PTPRD: variants seen among roughly 807,000 people sequenced by gnomAD.
PTPRD encodes receptor-type tyrosine-protein phosphatase delta.
In PTPRD, 34 loss-of-function variants were observed where a neutral mutation model predicts 214.5. That is an observed-to-expected ratio of 0.16 (90% confidence interval 0.12 to 0.21). The LOEUF (loss-of-function observed/expected upper bound fraction) is 0.21, where lower values mean the gene tolerates loss of function less well. PTPRD is among the 10% of genes least tolerant of loss of function. The probability of loss-of-function intolerance (pLI) is 1.00; values close to 1 mark genes in which losing one functional copy is unlikely to be tolerated. For missense variants in PTPRD, 2,545 were observed against 2,398.7 expected (o/e 1.06, Z -1.27); for synonymous variants, 1,128 against 845.7 (o/e 1.33, Z -5.79).
intron 9 of PTPRD, among the ~76,000 whole-genome samples, chr9:9,387,553 T>G (rs1014073210): frequency 2.0e-5 from 3 of 152,194 alleles, no homozygotes; most frequent in Non-Finnish European, 1.5e-5. Flanking sequence ...AAAAATTCCC[T>G]CCTCTGCTTT....
At chr9:8,597,219 C>CT (rs1395894131) in intron 14 of PTPRD, among the ~76,000 whole-genome samples, 5 of 152,036 alleles carry the variant, frequency 3.3e-5, no homozygotes, top group Admixed American at 1.3e-4. Flanking sequence ...TGAGTTAGTA[C>CT]TTTAAATAGC....
intron 31 of PTPRD, among the ~76,000 whole-genome samples, chr9:8,468,873 C>T (rs183689017): frequency 2.7e-5 from 4 of 150,352 alleles, no homozygotes; most frequent in Non-Finnish European, 4.4e-5. Flanking sequence ...CCATAGCCTA[C>T]TTTCATTTGT....
chr9:9,412,456 A>G (rs1330099584), intron 8 of PTPRD, among the ~76,000 whole-genome samples: 3 of 150,682 alleles, frequency 2.0e-5, no homozygotes, highest in Non-Finnish European at 4.4e-5. Context: ...CTGGGCACAG[A>G]TAGAGACTCT....
intron 10 of PTPRD, among the ~76,000 whole-genome samples, chr9:9,060,012 T>C (rs1232885446): frequency 6.6e-6 from 1 of 152,204 alleles, no homozygotes; most frequent in Non-Finnish European, 1.5e-5. Flanking sequence ...TCCAATAAAA[T>C]GTAAATTTTT....
intron 12 of PTPRD, among the ~76,000 whole-genome samples, chr9:8,726,486 C>G (rs1236155645): frequency 5.5e-5 from 8 of 144,200 alleles, no homozygotes; most frequent in Non-Finnish European, 1.2e-4. Context: ...AATTCCAGCA[C>G]TTTGGGAGGC....
intron 10 of PTPRD, among the ~76,000 whole-genome samples, chr9:9,134,759 T>G (rs2099848266): frequency 6.6e-6 from 1 of 152,140 alleles, no homozygotes. Context: ...TATTGCATGA[T>G]TCCTACCAAG....
chr9:8,856,206 G>C (rs531200466), intron 11 of PTPRD, among the ~76,000 whole-genome samples: 149 of 5,312 alleles, frequency 0.028, 1 homozygote, highest in African/African-American at 0.029. Flanking sequence ...TTAATCTTAA[G>C]TTATTATCTC....
At chr9:9,197,190 G>A (rs1299609623) in intron 9 of PTPRD, among the ~76,000 whole-genome samples, 2 of 152,068 alleles carry the variant, frequency 1.3e-5, no homozygotes, top group East Asian at 1.9e-4. Context: ...CTAATCCAGA[G>A]CAAAGCCACA....
intron 32 of PTPRD, among the ~76,000 whole-genome samples, chr9:8,461,399 A>C (rs1298315686): frequency 6.6e-6 from 1 of 152,068 alleles, no homozygotes; most frequent in Non-Finnish European, 1.5e-5. Context: ...CTAAATATCG[A>C]TGATTTTTAT....
intron 11 of PTPRD, among the ~76,000 whole-genome samples, chr9:8,838,412 A>G (rs558808953): frequency 6.6e-6 from 1 of 152,276 alleles, no homozygotes; most frequent in Non-Finnish European, 1.5e-5. Flanking sequence ...TTCACAATAC[A>G]TTCCTCTTCT....
At chr9:9,303,039 A>G (rs1292858806) in intron 9 of PTPRD, among the ~76,000 whole-genome samples, 2 of 151,954 alleles carry the variant, frequency 1.3e-5, no homozygotes, top group Non-Finnish European at 2.9e-5. Context: ...TGGCTTCATA[A>G]GAGAAGACCT....
At chr9:9,626,517 G>C (rs958966757) in intron 7 of PTPRD, among the ~76,000 whole-genome samples, 1 of 152,160 alleles carries the variant, frequency 6.6e-6, no homozygotes, top group Non-Finnish European at 1.5e-5. Flanking sequence ...GGCACTTTTA[G>C]TTGAATGATT....
At chr9:10,609,069 C>G (rs1028607547) in intron 2 of PTPRD, among the ~76,000 whole-genome samples, 1 of 151,976 alleles carries the variant, frequency 6.6e-6, no homozygotes, top group African/African-American at 2.4e-5. Context: ...GAATATTTGT[C>G]ATATCATTTG....
intron 4 of PTPRD, among the ~76,000 whole-genome samples, chr9:9,961,616 G>C (rs1035048660): frequency 6.6e-6 from 1 of 152,092 alleles, no homozygotes; most frequent in African/African-American, 2.4e-5. Context: ...GTGATTACTT[G>C]ACTGCCAGCA....
At chr9:9,971,989 TA>T (rs1443827600) in intron 4 of PTPRD, among the ~76,000 whole-genome samples, 8 of 152,190 alleles carry the variant, frequency 5.3e-5, no homozygotes, top group Non-Finnish European at 1.0e-4. Context: ...ACTGAATTTT[TA>T]AAAATATATA....
intron 8 of PTPRD, among the ~76,000 whole-genome samples, chr9:9,435,766 TAGTA>T (rs2085001216): frequency 6.6e-6 from 1 of 152,172 alleles, no homozygotes; most frequent in Non-Finnish European, 1.5e-5. Context: ...TGTAATGTCT[TAGTA>T]AGCTTTGGAT....
intron 10 of PTPRD, among the ~76,000 whole-genome samples, chr9:9,101,867 T>C (rs2099791889): frequency 6.6e-6 from 1 of 152,176 alleles, no homozygotes; most frequent in Non-Finnish European, 1.5e-5. Context: ...AATTCTAGGA[T>C]TACTTAAAAT....
chr9:9,049,024 A>C (rs1185562199), intron 10 of PTPRD, among the ~76,000 whole-genome samples: 1 of 152,216 alleles, frequency 6.6e-6, no homozygotes, highest in East Asian at 1.9e-4. Context: ...ACAAAAATAC[A>C]TGGCCCACAG....
intron 45 of PTPRD, among the ~76,000 whole-genome samples, chr9:8,319,618 CAT>C (rs1825309566): frequency 6.6e-6 from 1 of 151,978 alleles, no homozygotes; most frequent in African/African-American, 2.4e-5. Flanking sequence ...CTCAATCTAA[CAT>C]ATAATCTCAC....
Sources: gnomAD v4.1 joint callset for allele counts (sites outside exome capture counted in the v4.1 genomes callset) on GRCh38, gnomAD v4.1.1 for gene constraint, MANE v1.5 for transcripts, NCBI Gene and HGNC (gene_info 2026-07-23, HGNC 2026-07-21) for gene names.